The following FRAS1 variants were observed in gnomAD, a reference collection of about 807,000 sequenced individuals.
FRAS1 encodes extracellular matrix organizing protein FRAS1.
In FRAS1, 290 loss-of-function variants were observed where a neutral mutation model predicts 435.2. The observed-to-expected ratio is 0.67, with a 90% confidence interval of 0.61 to 0.73. The LOEUF (loss-of-function observed/expected upper bound fraction) is 0.73, where lower values mean the gene tolerates loss of function less well. Ranked by LOEUF, FRAS1 falls within the 30% of genes least tolerant of loss-of-function variation. FRAS1 has a pLI of 0.00. For synonymous variants in FRAS1, 1,800 were observed against 1,851.0 expected, an observed-to-expected ratio of 0.97 and a Z score of 0.71; for missense variants, 4,860 against 5,001.5, an observed-to-expected ratio of 0.97 and a Z score of 0.85.
rs182176924 is a variant in FRAS1, at chr4:78,471,624, C to A, written c.7372-556C>A. On this transcript the variant is annotated intron_variant, in intron 51 of 73. Transcript: ENST00000512123. ...AAAAATCTTCAATGCTCTTGACCAC[C>A]CTCTTTCTTTGCTCAAATCTTGGCT... Among the ~76,000 whole-genome samples, 7 of 152,284 alleles carry A rather than the reference C, an allele frequency of 4.6e-5. No individual in the cohort carries two copies. In the East Asian group the frequency reaches 1.4e-3, roughly 29 times the overall value.
chr4:78,518,551 A>G lies in FRAS1; in HGVS notation c.10390-780A>G, dbSNP rs111538895. ...ACACACATATACAGCTAGCTTCACC[A>G]CAAAAGCTTCTGCTACCATTCTGTT... On this transcript the variant is annotated intron_variant, in intron 66 of 73. Coordinates refer to ENST00000512123, the MANE Select transcript of FRAS1 (RefSeq NM_025074.7). Among the ~76,000 whole-genome samples, 545 of 151,826 alleles carry G rather than the reference A, an allele frequency of 3.6e-3. 1 individual carries two copies. The highest frequency in any genetic ancestry group is 0.012 in the African/African-American group (491 of 41,390).
intron 2 of FRAS1, among the ~76,000 whole-genome samples, chr4:78,205,986 G>A (rs1015386805): frequency 1.3e-5 from 2 of 152,024 alleles, no homozygotes; most frequent in Admixed American, 6.5e-5. Context: ...AGTAGTTAGT[G>A]GACAACTTAA....
At chr4:78,239,456 T>C (rs1188304588) in intron 3 of FRAS1, among the ~76,000 whole-genome samples, 1 of 152,196 alleles carries the variant, frequency 6.6e-6, no homozygotes, top group East Asian at 1.9e-4. Context: ...TTGCTGTTTC[T>C]ATACTTGCCT....
intron 2 of FRAS1, among the ~76,000 whole-genome samples, chr4:78,214,851 C>T (rs1278470705): frequency 6.6e-6 from 1 of 152,158 alleles, no homozygotes; most frequent in African/African-American, 2.4e-5. Flanking sequence ...ACTGAGGGGC[C>T]CTTGTCATGG....
rs930285939 is a variant in FRAS1, at chr4:78,543,898, G to A, written c.*2774G>A. The A allele has an allele frequency of 2.6e-5, 4 of 152,196 alleles. No individual in the cohort carries two copies. Among genetic ancestry groups the A allele is most frequent in the African/African-American group, 7.3e-5 (3 of 41,302 alleles). 9.4% of individuals were successfully genotyped at this position (152,196 alleles called of 1,614,324 possible). A position where few individuals can be genotyped will look rare whatever the true frequency, so the allele number is the denominator to read the frequency against. ...AAACAACTCTCAGTGGTTACTACTT[G>A]CTTTTATATGCTGGCTGTGAAGGTT... On this transcript the variant is annotated 3_prime_UTR_variant, in exon 74 of 74. Coordinates refer to ENST00000512123, the MANE Select transcript of FRAS1 (RefSeq NM_025074.7).
intron 68 of FRAS1, 110 bp from the exon 69 acceptor site, chr4:78,522,537 TGA>T: frequency 1.1e-6 from 1 of 943,138 alleles, no homozygotes; most frequent in Non-Finnish European, 1.6e-6. Context: ...CTTAGTTGTT[TGA>T]GAGAAGAACA....
intron 2 of FRAS1, among the ~76,000 whole-genome samples, chr4:78,083,397 GTGT>G (rs1740987501): frequency 6.6e-6 from 1 of 152,106 alleles, no homozygotes; most frequent in Non-Finnish European, 1.5e-5. Context: ...GTTTTATCTG[GTGT>G]TGTGGAATTG....
At chr4:78,377,279 C>T (rs569242075) in intron 26 of FRAS1, among the ~76,000 whole-genome samples, 1 of 152,198 alleles carries the variant, frequency 6.6e-6, no homozygotes, top group South Asian at 2.1e-4. Context: ...TAAGACTTCC[C>T]CATGGGAAAA....
chr4:78,267,901 A>G (rs901971720), intron 9 of FRAS1, among the ~76,000 whole-genome samples: 6 of 152,152 alleles, frequency 3.9e-5, no homozygotes, highest in Admixed American at 6.5e-5. Flanking sequence ...AAAACATAAC[A>G]TGCTTTTTGT....
intron 28 of FRAS1, 29 bp from the exon 29 acceptor site, chr4:78,387,346 A>C (rs771456657): frequency 6.5e-7 from 1 of 1,533,486 alleles, no homozygotes; most frequent in South Asian, 1.2e-5. Flanking sequence ...TTCCCTCTTA[A>C]CTGACTCTTC....
chr4:78,479,568 G>A lies in FRAS1; in HGVS notation c.8293G>A (p.Glu2765Lys), dbSNP rs778794208. Residue 2765 changes from glutamate (E) to lysine (K), a missense_variant, in exon 56 of 74, where the codon GAG (glutamate) becomes AAG (lysine). Physicochemically the swap from Glu to Lys is moderately conservative, Grantham distance 56. Transcript: ENST00000512123. ...VMLIDDSEYE[E>K]EEEFEIALAD... Reference sequence around the variant, plus strand: ...GCTTATTGATGACAGCGAGTATGAAGAGGAAGAAGAGTTTGAGATTGCCTT... The same window carrying A: ...GCTTATTGATGACAGCGAGTATGAAAAGGAAGAAGAGTTTGAGATTGCCTT... 3 of 1,613,958 alleles carry A rather than the reference G, an allele frequency of 1.9e-6. No individual in the cohort carries two copies. The highest frequency in any genetic ancestry group is 1.1e-5 in the South Asian group (1 of 91,074).
chr4:78,149,349 T>C (rs957107017), intron 2 of FRAS1, among the ~76,000 whole-genome samples: 1 of 152,216 alleles, frequency 6.6e-6, no homozygotes, highest in African/African-American at 2.4e-5. Context: ...CTCAATCCTC[T>C]GGTTGTATTA....
rs188464277 is a variant in FRAS1, at chr4:78,206,615, C to T, written c.109-30895C>T. Among the ~76,000 whole-genome samples, 328 of 152,258 alleles carry T rather than the reference C, an allele frequency of 2.2e-3. 2 individuals are homozygous for T. The highest frequency in any genetic ancestry group is 7.0e-3 in the African/African-American group (290 of 41,540). On this transcript the variant is annotated intron_variant, in intron 2 of 73. Coordinates refer to ENST00000512123, the MANE Select transcript of FRAS1 (RefSeq NM_025074.7). The stretch of plus-strand genomic sequence containing the variant: ...AGTTCACGTAATATTTGTGGGAATA[C>T]ACCTCTTGTGCAAATGTTCCCTCAC...
rs368304108 is a variant in FRAS1 at position 78,432,601 on chromosome 4, C to T, written c.5214C>T (p.Tyr1738=). 96 of 1,567,746 alleles carry T rather than the reference C, an allele frequency of 6.1e-5. No individual in the cohort carries two copies. Among genetic ancestry groups the T allele is most frequent in the African/African-American group, 5.0e-4 (37 of 74,052 alleles). ...TAIITRSHLA[Y]VDDSSPDPEI... is the part of the protein sequence containing the mutation. ...TAATCACTAGGTCACACCTTGCTTA[C>T]GTGGTAAGTTCTTCCATTTGCTGTG... Residue 1738 remains tyrosine, a synonymous_variant, in exon 38 of 74, where the codon TAC becomes TAT. Coordinates refer to ENST00000512123, the MANE Select transcript of FRAS1 (RefSeq NM_025074.7).
intron 3 of FRAS1, among the ~76,000 whole-genome samples, chr4:78,243,554 T>G (rs1227080161): frequency 6.6e-6 from 1 of 152,052 alleles, no homozygotes; most frequent in East Asian, 1.9e-4. Flanking sequence ...ATGCAAAATT[T>G]TTATTCCTCC....
Position 78,481,840 on chromosome 4 carries a change from A to C in FRAS1, c.8480A>C (p.Asp2827Ala), listed in dbSNP as rs756308818. Residue 2827 changes from aspartate (D) to alanine (A), a missense_variant, in exon 57 of 74, where the codon GAC (aspartate) becomes GCC (alanine). Asp to Ala is a moderately radical substitution (Grantham distance 126, BLOSUM62 -2). Coordinates refer to ENST00000512123, the MANE Select transcript of FRAS1 (RefSeq NM_025074.7). ...ATTCCAGTTATCCGCCATGGTACTG[A>C]CCTCTCTACTTTCGCATCTGTCTGG... is the stretch of plus-strand genomic sequence containing the variant. Reference protein sequence around the residue: ...VKIPVIRHGTDLSTFASVWCA... With the variant: ...VKIPVIRHGTALSTFASVWCA... The C allele has an allele frequency of 6.2e-6, 10 of 1,613,850 alleles. No homozygotes were observed. The highest frequency in any genetic ancestry group is 8.5e-6 in the Non-Finnish European group (10 of 1,179,832).
chr4:78,262,581 G>C (rs977187173), intron 6 of FRAS1, among the ~76,000 whole-genome samples: 1 of 152,116 alleles, frequency 6.6e-6, no homozygotes, highest in African/African-American at 2.4e-5. Flanking sequence ...GAGGTGGACT[G>C]TTTGTCTTAC....
intron 67 of FRAS1, among the ~76,000 whole-genome samples, chr4:78,520,078 G>C (rs1345400285): frequency 6.6e-6 from 1 of 151,918 alleles, no homozygotes; most frequent in African/African-American, 2.4e-5. Flanking sequence ...CAAGAACTAA[G>C]TGGGAGGCAG....
intron 14 of FRAS1, among the ~76,000 whole-genome samples, chr4:78,300,980 G>A (rs537829129): frequency 2.0e-5 from 3 of 152,232 alleles, no homozygotes; most frequent in South Asian, 2.1e-4. Flanking sequence ...ATTGCAATTC[G>A]TAATCATCCC....
Sources: allele counts gnomAD v4.1 joint callset (sites outside exome capture counted in the v4.1 genomes callset), GRCh38; gene constraint gnomAD v4.1.1; transcripts MANE v1.5; gene names NCBI Gene and HGNC (gene_info 2026-07-23, HGNC 2026-07-21).